Variants in IL18RAP observed in about 807,000 individuals in gnomAD.
IL18RAP encodes interleukin 18 receptor accessory protein.
IL18RAP carries 37 observed loss-of-function variants against 58.1 expected under a neutral mutation model. That is an observed-to-expected ratio of 0.64 (90% CI 0.49 to 0.84). IL18RAP has a LOEUF of 0.84. Among genes scored for constraint, IL18RAP ranks in the 40% least tolerant of loss-of-function variants. The probability of loss-of-function intolerance (pLI) is 0.00; values close to 1 mark genes in which losing one functional copy is unlikely to be tolerated. For missense variants in IL18RAP, 667 were observed against 704.8 expected (o/e 0.95, Z 0.61); for synonymous variants, 268 against 257.5 (o/e 1.04, Z -0.39).
Position 102,436,819 on chromosome 2 carries a change from G to A in IL18RAP, c.580-393G>A, listed in dbSNP as rs868325188. ...TATGTATATATATGTGTGTGTGTGTGTATATATATATATGTATGTATACAC... is the reference window on the plus strand; with the variant it reads ...TATGTATATATATGTGTGTGTGTGTATATATATATATATGTATGTATACAC... On this transcript the variant is annotated intron_variant, in intron 3 of 9. Transcript: ENST00000687160. Among the ~76,000 whole-genome samples the A allele has an allele frequency of 2.0e-4, 30 of 149,974 alleles. No homozygotes were observed. The South Asian group carries it at 2.1e-3, about 10-fold the overall frequency.
rs114745895 is a variant in IL18RAP, at chr2:102,447,547, A to G, written c.1210+340A>G. Among the ~76,000 whole-genome samples the G allele has an allele frequency of 3.2e-3, 481 of 152,230 alleles. 2 individuals carry two copies. The highest frequency in any genetic ancestry group is 5.2e-3 in the Non-Finnish European group (356 of 68,010). Reference sequence around the variant, plus strand: ...TGTGAAACATGTTGGACTTAAAAATAATCCCTCTATAACCAACCTAAAGCA... The same window carrying G: ...TGTGAAACATGTTGGACTTAAAAATGATCCCTCTATAACCAACCTAAAGCA... On this transcript the variant is annotated intron_variant, in intron 8 of 9. Coordinates refer to ENST00000687160, the MANE Select transcript of IL18RAP (RefSeq NM_001393487.1).
At chr2:102,441,415 T>C (rs1683095761) in intron 5 of IL18RAP, 38 bp downstream of exon 5, 1 of 1,532,742 alleles carries the variant, frequency 6.5e-7, no homozygotes, top group Non-Finnish European at 9.0e-7. Context: ...GACATCGTGC[T>C]GCTGGGAGCA....
chr2:102,433,554 ATC>A (rs1266679132), intron 3 of IL18RAP, among the ~76,000 whole-genome samples: 1 of 145,754 alleles, frequency 6.9e-6, no homozygotes, highest in Non-Finnish European at 1.5e-5. Flanking sequence ...TTGAGATGGA[ATC>A]TCTCTCTTTG....
Position 102,450,983 on chromosome 2 carries a change from G to C in IL18RAP, c.1346G>C (p.Ser449Thr). ...GTTTTAGAAAACAAATATGGATATA[G>C]CCTGTGTTTGCTTGAAAGAGATGTG... Reference protein sequence around the residue: ...PDVLENKYGYSLCLLERDVAP... With the variant: ...PDVLENKYGYTLCLLERDVAP... Residue 449 changes from serine to threonine, a missense_variant, in exon 9 of 10, where the codon AGC becomes ACC. By Grantham distance (58) the Ser-to-Thr change is moderately conservative. Coordinates refer to ENST00000687160, the MANE Select transcript of IL18RAP (RefSeq NM_001393487.1). 6.2e-7 allele frequency: 1 copy of C among 1,606,762 alleles called. No individual in the cohort carries two copies. The highest frequency in any genetic ancestry group is 8.5e-7 in the Non-Finnish European group (1 of 1,177,396).
intron 7 of IL18RAP, among the ~76,000 whole-genome samples, chr2:102,446,197 A>T (rs1573300379): frequency 6.6e-6 from 1 of 152,162 alleles, no homozygotes; most frequent in African/African-American, 2.4e-5. Context: ...AAATAAAAGG[A>T]ATATGATAAG....
chr2:102,433,410 G>A (rs1260262667), intron 3 of IL18RAP, among the ~76,000 whole-genome samples: 3 of 152,154 alleles, frequency 2.0e-5, no homozygotes, highest in Non-Finnish European at 4.4e-5. Flanking sequence ...TTTTTGTAGA[G>A]AAGGGGTTTC....
chr2:102,445,449 A>T (rs1409287351), intron 7 of IL18RAP, 109 bp downstream of exon 7: 12 of 1,193,294 alleles, frequency 1.0e-5, no homozygotes, highest in Non-Finnish European at 1.4e-5. Context: ...TTTCTAGGTG[A>T]CAGACATTGT....
rs189300288 is a variant in IL18RAP at position 102,423,479 on chromosome 2, A to G, written c.70+132A>G. 2.0e-4 allele frequency: 167 copies of G among 825,664 alleles called. 2 individuals are homozygous for G. The East Asian group carries it at 3.4e-3, about 17-fold the overall frequency. The allele number at this position is 825,664 out of a possible 1,614,324, so 51.1% of individuals were successfully genotyped here. A position where few individuals can be genotyped will look rare whatever the true frequency, so the allele number is the denominator to read the frequency against. ...ATCCTACTATTAAAAGGGGACTGAG[A>G]GGAGAATTATTAGGGTGAACAGCTT... On this transcript the variant is annotated intron_variant, in intron 1 of 9. Transcript: ENST00000687160.
In IL18RAP at chr2:102,452,226, T is replaced by A. The variant is rs1683818708; in HGVS notation, c.*45T>A. The A allele has an allele frequency of 1.1e-5, 16 of 1,515,748 alleles. No homozygotes were observed. Among genetic ancestry groups the A allele is most frequent in the Non-Finnish European group, 1.4e-5 (16 of 1,125,740 alleles). 93.9% of individuals were successfully genotyped at this position (1,515,748 alleles called of 1,614,324 possible). ...TCCAGTCCAGTCCCTGGGATAGAGA[T>A]GTTGCTGGACAGAACTCACAGCTCT... is the stretch of plus-strand genomic sequence containing the variant. On this transcript the variant is annotated 3_prime_UTR_variant, in exon 10 of 10. Transcript: ENST00000687160.
chr2:102,441,391 C>T lies in IL18RAP; in HGVS notation c.796+14C>T. 6.2e-7 allele frequency: 1 copy of T among 1,608,246 alleles called. No homozygotes were observed. Among genetic ancestry groups the T allele is most frequent in the Non-Finnish European group, 8.5e-7 (1 of 1,174,970 alleles). ...AAGTAGAACTTGGTAAGCTGGGCCTCATCGCCTTTGAATGACATCGTGCTG... is the reference window on the plus strand; with the variant it reads ...AAGTAGAACTTGGTAAGCTGGGCCTTATCGCCTTTGAATGACATCGTGCTG... On this transcript the variant is annotated intron_variant, in intron 5 of 9. Transcript: ENST00000687160.
chr2:102,441,720 T>G (rs1183481783), intron 5 of IL18RAP, among the ~76,000 whole-genome samples: 1 of 152,050 alleles, frequency 6.6e-6, no homozygotes, highest in East Asian at 1.9e-4. Flanking sequence ...AAACCCCATC[T>G]CTACTAAAAC....
In IL18RAP at chr2:102,441,264, C is replaced by A. The variant is rs1306745605; in HGVS notation, c.731-48C>A. ...TGCACCTAAATCTTCATCAAGCAGG[C>A]CTTCAGACTTTCCAATGCAAATAGT... On this transcript the variant is annotated intron_variant, in intron 4 of 9. Coordinates refer to ENST00000687160, the MANE Select transcript of IL18RAP (RefSeq NM_001393487.1). 3.5e-6 allele frequency: 5 copies of A among 1,429,218 alleles called. No individual in the cohort carries two copies. In the African/African-American group the frequency reaches 5.6e-5, roughly 16 times the overall value. 88.5% of individuals were successfully genotyped at this position (1,429,218 alleles called of 1,614,324 possible). A position where few individuals can be genotyped will look rare whatever the true frequency, so the allele number is the denominator to read the frequency against.
At chr2:102,431,806 T>C (rs1682382975) in intron 3 of IL18RAP, among the ~76,000 whole-genome samples, 1 of 151,976 alleles carries the variant, frequency 6.6e-6, no homozygotes, top group Admixed American at 6.5e-5. Flanking sequence ...TATTAAACTT[T>C]TCATTTTGTT....
At chr2:102,446,909 G>A (rs6708413) in intron 7 of IL18RAP, among the ~76,000 whole-genome samples, 161 bp from the exon 8 acceptor site, 118,144 of 152,150 alleles carry the variant, frequency 0.78, 46,907 homozygotes, top group African/African-American at 0.9. Flanking sequence ...GGTGTGATTT[G>A]AGAGGTTTCC....
intron 4 of IL18RAP, among the ~76,000 whole-genome samples, chr2:102,438,402 C>T (rs1234346991): frequency 6.6e-6 from 1 of 152,132 alleles, no homozygotes; most frequent in Admixed American, 6.5e-5. Flanking sequence ...ACTCTCCTGC[C>T]CCTTGCACCC....
chr2:102,445,101 CT>C, intron 6 of IL18RAP, 87 bp from the exon 7 acceptor site: 1 of 1,195,294 alleles, frequency 8.4e-7, no homozygotes, highest in Non-Finnish European at 1.2e-6. Context: ...AAAAGCCAAA[CT>C]GTTGGCTGCT....
Position 102,437,352 on chromosome 2 carries a change from G to C in IL18RAP, c.720G>C (p.Val240=). ...SSWTVRAVVQ[V]RTIVGDTKLK... Reference sequence around the variant, plus strand: ...GGACAGTCAGAGCTGTTGTTCAAGTGAGAACCATTGGTAAGTGAGATTTTT... The same window carrying C: ...GGACAGTCAGAGCTGTTGTTCAAGTCAGAACCATTGGTAAGTGAGATTTTT... Residue 240 remains valine, a synonymous_variant, in exon 4 of 10, where the codon GTG becomes GTC. Coordinates refer to ENST00000687160, the MANE Select transcript of IL18RAP (RefSeq NM_001393487.1). The C allele has an allele frequency of 6.2e-7, 1 of 1,610,730 alleles. No homozygotes were observed. The highest frequency in any genetic ancestry group is 1.7e-4 in the Middle Eastern group (1 of 6,044).
chr2:102,447,049 A>G lies in IL18RAP; in HGVS notation c.1073-21A>G, dbSNP rs201259177. On this transcript the variant is annotated intron_variant, in intron 7 of 9. Coordinates refer to ENST00000687160, the MANE Select transcript of IL18RAP (RefSeq NM_001393487.1). Reference sequence around the variant, plus strand: ...AATCCCGCTGCCTCTATGTCTCTTCATACTGGCCCTGTCTCCACAGTGGTG... The same window carrying G: ...AATCCCGCTGCCTCTATGTCTCTTCGTACTGGCCCTGTCTCCACAGTGGTG... 6,665 of 1,612,200 alleles carry G rather than the reference A, an allele frequency of 4.1e-3. 19 individuals carry two copies. The highest frequency in any genetic ancestry group is 5.1e-3 in the Middle Eastern group (30 of 5,878).
intron 6 of IL18RAP, 31 bp downstream of exon 6, chr2:102,443,354 T>C: frequency 6.2e-7 from 1 of 1,606,458 alleles, no homozygotes; most frequent in Non-Finnish European, 8.5e-7. Context: ...TTCTGTTCTC[T>C]GCAATTCAGA....
Sources: allele counts gnomAD v4.1 joint callset (sites outside exome capture counted in the v4.1 genomes callset), GRCh38; gene constraint gnomAD v4.1.1; transcripts MANE v1.5; gene names NCBI Gene and HGNC (gene_info 2026-07-23, HGNC 2026-07-21).